POLN: variants seen among roughly 807,000 people sequenced by gnomAD.
POLN encodes the protein DNA polymerase N.
A neutral mutation model predicts 113.5 loss-of-function variants in POLN; 108 were observed. That is an observed-to-expected ratio of 0.95 (90% CI 0.81 to 1.12). The LOEUF is 1.12. Among genes scored for constraint, POLN ranks in the 50% most tolerant of loss-of-function variants. The pLI is 0.00. For synonymous variants in POLN, 386 were observed against 391.5 expected (o/e 0.99, Z 0.17); for missense variants, 1,097 against 1,077.1 (o/e 1.02, Z -0.26).
intron 4 of POLN, among the ~76,000 whole-genome samples, chr4:2,210,811 C>T (rs1252393698): frequency 1.3e-5 from 2 of 148,964 alleles, no homozygotes; most frequent in Non-Finnish European, 1.5e-5. Flanking sequence ...ACCCCAGCTG[C>T]TTGGGAGGCT....
chr4:2,089,139 A>C (rs935009759), intron 20 of POLN: 13 of 1,263,532 alleles, frequency 1.0e-5, no homozygotes, highest in Non-Finnish European at 1.5e-5. Context: ...GGACCCTAAG[A>C]TCAATATTTG....
At chr4:2,187,029 A>C (rs1280490438) in intron 7 of POLN, among the ~76,000 whole-genome samples, 2 of 152,228 alleles carry the variant, frequency 1.3e-5, no homozygotes, top group African/African-American at 4.8e-5. Context: ...GAAAACAATC[A>C]GTGGGTCTGA....
chr4:2,150,149 T>A (rs1447514899), intron 16 of POLN, among the ~76,000 whole-genome samples: 1 of 151,524 alleles, frequency 6.6e-6, no homozygotes, highest in Non-Finnish European at 1.5e-5. Flanking sequence ...GAGAGACACA[T>A]ACACACACAC....
chr4:2,188,493 C>T (rs866173392), intron 7 of POLN, among the ~76,000 whole-genome samples: 11 of 151,666 alleles, frequency 7.3e-5, no homozygotes, highest in African/African-American at 1.5e-4. Flanking sequence ...CCCAGCTACT[C>T]GGGAGGCTGA....
chr4:2,131,124 G>A (rs1731717315), intron 17 of POLN, 109 bp downstream of exon 17: 1 of 737,032 alleles, frequency 1.4e-6, no homozygotes, highest in Admixed American at 2.5e-5. Flanking sequence ...GGTCAAGGCT[G>A]CAGTGAGCTG....
At chr4:2,182,723 A>C (rs1733173713) in intron 7 of POLN, among the ~76,000 whole-genome samples, 1 of 152,206 alleles carries the variant, frequency 6.6e-6, no homozygotes, top group African/African-American at 2.4e-5. Flanking sequence ...TGTATGAAAA[A>C]AAATGAGTAA....
chr4:2,073,516 T>G (rs972371903), intron 24 of POLN, among the ~76,000 whole-genome samples: 1 of 152,200 alleles, frequency 6.6e-6, no homozygotes, highest in South Asian at 2.1e-4. Flanking sequence ...CCGGTGAAGT[T>G]TGAGGCAACA....
intron 4 of POLN, 119 bp downstream of exon 4, chr4:2,212,928 C>CTTT: frequency 1.8e-4 from 82 of 454,748 alleles, no homozygotes; most frequent in Middle Eastern, 6.5e-4. Context: ...AAGAACGCCT[C>CTTT]TTTTTTTTTT....
At chr4:2,185,704 C>T (rs2108753660) in intron 7 of POLN, among the ~76,000 whole-genome samples, 1 of 149,974 alleles carries the variant, frequency 6.7e-6, no homozygotes, top group African/African-American at 2.5e-5. Context: ...CAAGATTGCA[C>T]CATTGCACTC....
chr4:2,222,918 C>T (rs2108770687), intron 3 of POLN, among the ~76,000 whole-genome samples: 1 of 152,264 alleles, frequency 6.6e-6, no homozygotes, highest in Non-Finnish European at 1.5e-5. Context: ...GTCATCAGTG[C>T]CAGCTTACCT....
At chr4:2,164,338 C>G (rs1266302885) in intron 13 of POLN, among the ~76,000 whole-genome samples, 1 of 151,490 alleles carries the variant, frequency 6.6e-6, no homozygotes, top group East Asian at 1.9e-4. Flanking sequence ...TCTGTCTCTA[C>G]TAAAAATACA....
At chr4:2,200,517 C>G (rs1733685624) in intron 5 of POLN, among the ~76,000 whole-genome samples, 1 of 152,158 alleles carries the variant, frequency 6.6e-6, no homozygotes, top group South Asian at 2.1e-4. Flanking sequence ...ACCGAAAGAC[C>G]CACAGACGGT....
intron 3 of POLN, among the ~76,000 whole-genome samples, chr4:2,226,977 G>T (rs1361249072): frequency 6.6e-6 from 1 of 152,304 alleles, no homozygotes; most frequent in South Asian, 2.1e-4. Context: ...TATGATGAAG[G>T]AATAAAACTG....
At chr4:2,151,392 A>C (rs1160454176) in intron 16 of POLN, among the ~76,000 whole-genome samples, 1 of 152,200 alleles carries the variant, frequency 6.6e-6, no homozygotes, top group Non-Finnish European at 1.5e-5. Flanking sequence ...CACTCTGGAA[A>C]AACAGTTTGG....
Position 2,134,345 on chromosome 4 carries a change from C to T in POLN, c.1732-3055G>A, listed in dbSNP as rs1409106940. The stretch of plus-strand genomic sequence containing the variant: ...ATTTGTGTGCAGGTTCTTGTGTGGA[C>T]ATAAGTTTTCAAATTAATTTGGTGG... On this transcript the variant is annotated intron_variant, in intron 16 of 25. Coordinates refer to ENST00000511885, the MANE Select transcript of POLN (RefSeq NM_181808.4). Among the ~76,000 whole-genome samples, 9 of 152,240 alleles carry T rather than the reference C, an allele frequency of 5.9e-5. No individual in the cohort carries two copies. In the East Asian group the frequency reaches 1.5e-3, roughly 26 times the overall value.
In POLN at chr4:2,075,433, C is replaced by A; in HGVS notation, c.2455+19G>T. ...AGCTGTCTGTGATGTCCAAGCAACC[C>A]TGTGTTGCCCCAGGCTACCTGCACA... is the stretch of plus-strand genomic sequence containing the variant. On this transcript the variant is annotated intron_variant, in intron 24 of 25. Coordinates refer to ENST00000511885, the MANE Select transcript of POLN (RefSeq NM_181808.4). The A allele has an allele frequency of 6.2e-7, 1 of 1,612,988 alleles. No individual in the cohort carries two copies. Among genetic ancestry groups the A allele is most frequent in the Non-Finnish European group, 8.5e-7 (1 of 1,179,736 alleles).
intron 6 of POLN, among the ~76,000 whole-genome samples, chr4:2,196,892 A>C (rs1241342845): frequency 6.6e-6 from 1 of 152,170 alleles, no homozygotes; most frequent in Non-Finnish European, 1.5e-5. Flanking sequence ...TATTTGGGAG[A>C]ATGCTGCAGG....
intron 2 of POLN, among the ~76,000 whole-genome samples, chr4:2,235,173 C>T (rs191346905): frequency 9.7e-4 from 147 of 152,322 alleles, no homozygotes; most frequent in African/African-American, 2.7e-3. Flanking sequence ...CGTGAGCCAC[C>T]GCACCCAGCC....
chr4:2,104,964 A>C (rs1177504618), intron 19 of POLN, among the ~76,000 whole-genome samples: 6 of 152,198 alleles, frequency 3.9e-5, no homozygotes, highest in Non-Finnish European at 8.8e-5. Flanking sequence ...ACACACATGC[A>C]CACAGTCACA....
Sources: gnomAD v4.1 joint callset for allele counts (sites outside exome capture counted in the v4.1 genomes callset) on GRCh38, gnomAD v4.1.1 for gene constraint, MANE v1.5 for transcripts, NCBI Gene and HGNC (gene_info 2026-07-23, HGNC 2026-07-21) for gene names.